PTPRM: variants seen among roughly 807,000 people sequenced by gnomAD.
PTPRM encodes receptor-type tyrosine-protein phosphatase mu.
In PTPRM, 47 loss-of-function variants were observed where a neutral mutation model predicts 186.7. The ratio of observed to expected loss-of-function variants is 0.25; its 90% CI spans 0.20 to 0.32. The LOEUF (loss-of-function observed/expected upper bound fraction) is 0.32. Ranked by LOEUF, PTPRM falls within the 10% of genes least tolerant of loss-of-function variation. The pLI, the probability that PTPRM is intolerant of heterozygous loss-of-function variation, is 1.00. For synonymous variants in PTPRM, 668 were observed against 674.9 expected (o/e 0.99, Z 0.16); for missense variants, 1,494 against 1,865.0 (o/e 0.80, Z 3.66).
chr18:7,906,603 A>C lies in PTPRM; in HGVS notation c.547+20A>C. Reference sequence around the variant, plus strand: ...CATGTAGTAAGTTGTCTTTATTTGTAAATATTCGGGTACATCATTGGGGGC... The same window carrying C: ...CATGTAGTAAGTTGTCTTTATTTGTCAATATTCGGGTACATCATTGGGGGC... On this transcript the variant is annotated intron_variant, in intron 4 of 32. Coordinates refer to ENST00000580170, the MANE Select transcript of PTPRM (RefSeq NM_001105244.2). The C allele has an allele frequency of 6.5e-7, 1 of 1,549,522 alleles. No individual in the cohort carries two copies.
At chr18:8,048,732 A>T (rs1205105991) in intron 7 of PTPRM, among the ~76,000 whole-genome samples, 2 of 152,224 alleles carry the variant, frequency 1.3e-5, no homozygotes, top group African/African-American at 2.4e-5. Context: ...TCATAAGAAG[A>T]TTGTAAATAC....
intron 14 of PTPRM, among the ~76,000 whole-genome samples, chr18:8,201,545 C>T (rs1444259494): frequency 6.6e-6 from 1 of 152,154 alleles, no homozygotes; most frequent in Admixed American, 6.5e-5. Context: ...ATACGATAGA[C>T]TGGGTGGCTT....
At chr18:8,264,394 T>A (rs2094673189) in intron 19 of PTPRM, among the ~76,000 whole-genome samples, 1 of 152,186 alleles carries the variant, frequency 6.6e-6, no homozygotes, top group South Asian at 2.1e-4. Context: ...GGACTTTCCA[T>A]AAGTCTTGCT....
At chr18:8,129,456 T>G (rs943763064) in intron 13 of PTPRM, among the ~76,000 whole-genome samples, 1 of 152,176 alleles carries the variant, frequency 6.6e-6, no homozygotes, top group East Asian at 1.9e-4. Context: ...ATTTATTTAT[T>G]TTAGGAAATT....
At chr18:8,229,426 A>G (rs1045333140) in intron 14 of PTPRM, among the ~76,000 whole-genome samples, 5 of 152,208 alleles carry the variant, frequency 3.3e-5, no homozygotes, top group African/African-American at 9.6e-5. Flanking sequence ...ACAGTTAGAA[A>G]ACTTTAGGTA....
intron 22 of PTPRM, among the ~76,000 whole-genome samples, chr18:8,333,588 T>C (rs1457266410): frequency 6.6e-6 from 1 of 152,216 alleles, no homozygotes; most frequent in Non-Finnish European, 1.5e-5. Context: ...TTCGTAACCC[T>C]TATTATAGAT....
At chr18:8,168,238 C>T (rs1446508034) in intron 14 of PTPRM, among the ~76,000 whole-genome samples, 3 of 152,088 alleles carry the variant, frequency 2.0e-5, no homozygotes, top group Non-Finnish European at 4.4e-5. Context: ...TTGACAAGGA[C>T]GTATTTTCAT....
chr18:7,705,510 G>T (rs1287329039), intron 1 of PTPRM, among the ~76,000 whole-genome samples: 1 of 151,904 alleles, frequency 6.6e-6, no homozygotes, highest in Non-Finnish European at 1.5e-5. Flanking sequence ...GGATTATAAT[G>T]TTATATAAGA....
At chr18:7,968,444 T>C (rs947382546) in intron 7 of PTPRM, among the ~76,000 whole-genome samples, 2 of 121,716 alleles carry the variant, frequency 1.6e-5, no homozygotes, top group Non-Finnish European at 3.4e-5. Flanking sequence ...AGGATCAAAT[T>C]CACACATAAC....
chr18:7,931,026 A>C (rs2051453261), intron 5 of PTPRM, among the ~76,000 whole-genome samples: 1 of 151,932 alleles, frequency 6.6e-6, no homozygotes, highest in African/African-American at 2.4e-5. Flanking sequence ...ACAGCTACAA[A>C]ATACTTTAAA....
At chr18:7,997,638 G>A (rs2083616890) in intron 7 of PTPRM, among the ~76,000 whole-genome samples, 1 of 152,098 alleles carries the variant, frequency 6.6e-6, no homozygotes, top group Admixed American at 6.6e-5. Context: ...TGGATAAGTA[G>A]GGATTAATAG....
chr18:8,230,347 G>GTC (rs1233766267), intron 14 of PTPRM, among the ~76,000 whole-genome samples: 1 of 152,230 alleles, frequency 6.6e-6, no homozygotes, highest in Non-Finnish European at 1.5e-5. Flanking sequence ...AGTTAGCGAT[G>GTC]TTAGAAGAAC....
chr18:7,862,052 T>C (rs145942276), intron 2 of PTPRM, among the ~76,000 whole-genome samples: 1 of 152,308 alleles, frequency 6.6e-6, no homozygotes, highest in Non-Finnish European at 1.5e-5. Flanking sequence ...AATTCTTGAT[T>C]GTTTTCATGC....
chr18:8,178,605 G>A (rs1221870190), intron 14 of PTPRM, among the ~76,000 whole-genome samples: 2 of 151,952 alleles, frequency 1.3e-5, no homozygotes, highest in African/African-American at 2.4e-5. Flanking sequence ...CCAACATGGT[G>A]AAACCTCGTC....
chr18:8,088,971 G>C (rs488952), intron 11 of PTPRM, 120 bp downstream of exon 11: 432,106 of 708,042 alleles, frequency 0.61, 134,228 homozygotes, highest in African/African-American at 0.67. Flanking sequence ...AAATCCATAT[G>C]TTTATTAGCT....
chr18:7,799,137 C>A (rs1262209959), intron 2 of PTPRM, among the ~76,000 whole-genome samples: 1 of 152,072 alleles, frequency 6.6e-6, no homozygotes, highest in Non-Finnish European at 1.5e-5. Context: ...CTGGGATATC[C>A]AAGACCAAGT....
intron 7 of PTPRM, among the ~76,000 whole-genome samples, chr18:8,033,688 G>T (rs1293060312): frequency 1.3e-5 from 2 of 152,184 alleles, no homozygotes; most frequent in East Asian, 3.8e-4. Context: ...ATTCTCTGGG[G>T]CATCACTGTA....
intron 14 of PTPRM, among the ~76,000 whole-genome samples, chr18:8,181,545 C>T (rs564162568): frequency 3.6e-4 from 55 of 152,336 alleles, no homozygotes; most frequent in South Asian, 2.7e-3. Flanking sequence ...CCAGACTCCA[C>T]GGACCAAACA....
At chr18:7,612,548 A>G (rs566998636) in intron 1 of PTPRM, among the ~76,000 whole-genome samples, 58 of 152,242 alleles carry the variant, frequency 3.8e-4, no homozygotes, top group African/African-American at 1.3e-3. Context: ...CCCTTGCTTC[A>G]TATTAGACCT....
Sources: allele counts gnomAD v4.1 joint callset (sites outside exome capture counted in the v4.1 genomes callset), GRCh38; gene constraint gnomAD v4.1.1; transcripts MANE v1.5; gene names NCBI Gene and HGNC (gene_info 2026-07-23, HGNC 2026-07-21).